The following ARFIP1 variants were observed in gnomAD, a reference collection of about 807,000 sequenced individuals.
ARFIP1 encodes ARF interacting protein 1, also known as arfaptin-1.
Under a neutral mutation model 42.5 loss-of-function variants are expected in ARFIP1, and 24 were observed. That is an observed-to-expected ratio of 0.57 (90% confidence interval 0.41 to 0.80). ARFIP1 has a LOEUF of 0.80. ARFIP1 is among the 30% of genes least tolerant of loss of function. The probability of loss-of-function intolerance (pLI) is 0.00; values close to 1 mark genes in which losing one functional copy is unlikely to be tolerated. For synonymous variants in ARFIP1, 141 were observed against 153.7 expected (o/e 0.92, Z 0.61); for missense variants, 354 against 434.0 (o/e 0.82, Z 1.64).
At position 152,801,934 on chromosome 4, in the gene ARFIP1, A is replaced by G. The variant is rs547615144; in HGVS notation, c.-10+21708A>G. On this transcript the variant is annotated intron_variant, in intron 1 of 8. Transcript: ENST00000353617. ...AGTAAAGTGAGATGCAAAGGATAAA[A>G]AGAGACAGAGCTGGACCTTAAGTCC... Among the ~76,000 whole-genome samples, 4 of 152,336 alleles carry G rather than the reference A, an allele frequency of 2.6e-5. No homozygotes were observed. In the East Asian group the frequency reaches 7.7e-4, roughly 29 times the overall value.
chr4:152,889,645 C>G (rs1561173163), intron 8 of ARFIP1, among the ~76,000 whole-genome samples: 1 of 122,986 alleles, frequency 8.1e-6, no homozygotes, highest in Non-Finnish European at 1.6e-5. Flanking sequence ...TATATATGCA[C>G]TATATATAGT....
rs74659966 is a variant in ARFIP1 at position 152,880,254 on chromosome 4, A to G, written c.412-709A>G. Among the ~76,000 whole-genome samples the G allele has an allele frequency of 4.4e-3, 672 of 152,158 alleles. 4 individuals are homozygous for G. Among genetic ancestry groups the G allele is most frequent in the African/African-American group, 0.015 (630 of 41,506 alleles). ...GCTACTTAGGAGGCCGAGACATGAG[A>G]ATCACTTGAACCTGGGAGGTGGAGG... On this transcript the variant is annotated intron_variant, in intron 5 of 8. Transcript: ENST00000353617.
intron 1 of ARFIP1, among the ~76,000 whole-genome samples, chr4:152,790,728 CTTT>C (rs781615063): frequency 9.4e-6 from 1 of 106,080 alleles, no homozygotes; most frequent in Admixed American, 9.5e-5. Context: ...ATGTGTTTAT[CTTT>C]TTTTTTTTTT....
chr4:152,858,459 T>C (rs1027465555), intron 2 of ARFIP1, among the ~76,000 whole-genome samples: 3 of 152,234 alleles, frequency 2.0e-5, no homozygotes, highest in Non-Finnish European at 4.4e-5. Flanking sequence ...ATGTCTATCT[T>C]GTCTCCAATG....
At chr4:152,875,175 A>C (rs993384562) in intron 5 of ARFIP1, among the ~76,000 whole-genome samples, 8 of 152,152 alleles carry the variant, frequency 5.3e-5, no homozygotes, top group African/African-American at 1.7e-4. Context: ...GAGCAATTTT[A>C]GGTTTAGACA....
intron 1 of ARFIP1, among the ~76,000 whole-genome samples, chr4:152,788,277 G>A (rs1365972967): frequency 1.3e-5 from 2 of 152,206 alleles, no homozygotes; most frequent in African/African-American, 2.4e-5. Context: ...TAGCAATATA[G>A]CACAGTATTC....
intron 2 of ARFIP1, among the ~76,000 whole-genome samples, chr4:152,859,264 G>C (rs1285231379): frequency 6.6e-6 from 1 of 152,110 alleles, no homozygotes; most frequent in Non-Finnish European, 1.5e-5. Flanking sequence ...GTTTTGCCAT[G>C]TTGCCTAGGC....
chr4:152,849,565 G>A (rs1732821781), intron 2 of ARFIP1, among the ~76,000 whole-genome samples: 2 of 152,164 alleles, frequency 1.3e-5, no homozygotes, highest in African/African-American at 4.8e-5. Flanking sequence ...GAGGCCAAGA[G>A]GGTAGGCAGT....
chr4:152,875,378 T>TTA (rs1172740961), intron 5 of ARFIP1, among the ~76,000 whole-genome samples: 3 of 100,160 alleles, frequency 3.0e-5, no homozygotes, highest in Admixed American at 1.0e-4. Context: ...TCTTTTTTTA[T>TTA]AAAAAAAAAA....
intron 1 of ARFIP1, among the ~76,000 whole-genome samples, chr4:152,793,187 G>A (rs1731232719): frequency 6.6e-6 from 1 of 151,514 alleles, no homozygotes; most frequent in Non-Finnish European, 1.5e-5. Context: ...CATGTATTTT[G>A]TTATCAAAGT....
At chr4:152,851,170 T>G (rs1266723312) in intron 2 of ARFIP1, among the ~76,000 whole-genome samples, 4 of 152,186 alleles carry the variant, frequency 2.6e-5, no homozygotes, top group Non-Finnish European at 5.9e-5. Context: ...ATACAAGTGG[T>G]GAACAAGATA....
intron 8 of ARFIP1, among the ~76,000 whole-genome samples, chr4:152,903,385 T>C (rs1336178688): frequency 6.6e-6 from 1 of 152,166 alleles, no homozygotes; most frequent in Non-Finnish European, 1.5e-5. Flanking sequence ...ATAAATTATC[T>C]GTTTTGTTAT....
intron 8 of ARFIP1, among the ~76,000 whole-genome samples, chr4:152,903,444 A>G (rs974830396): frequency 6.6e-6 from 1 of 151,890 alleles, no homozygotes; most frequent in Non-Finnish European, 1.5e-5. Context: ...ATAGCTTCTT[A>G]TATTTGAGGA....
chr4:152,820,568 G>C (rs1730289254), intron 1 of ARFIP1, among the ~76,000 whole-genome samples: 1 of 152,194 alleles, frequency 6.6e-6, no homozygotes, highest in Non-Finnish European at 1.5e-5. Flanking sequence ...GTAGTGGAAG[G>C]TGAAGGGGAA....
intron 5 of ARFIP1, among the ~76,000 whole-genome samples, chr4:152,876,381 C>T (rs62319927): frequency 0.027 from 4,102 of 152,266 alleles, 100 homozygotes; most frequent in South Asian, 0.11. Context: ...AAGAGACTGG[C>T]GGCATTTTGC....
chr4:152,907,117 T>G (rs1022265532), intron 8 of ARFIP1, among the ~76,000 whole-genome samples: 1 of 152,212 alleles, frequency 6.6e-6, no homozygotes, highest in African/African-American at 2.4e-5. Flanking sequence ...AACATAAACT[T>G]CTTTTGAGAA....
At chr4:152,781,270 C>G (rs1380293777) in intron 1 of ARFIP1, among the ~76,000 whole-genome samples, 2 of 130,050 alleles carry the variant, frequency 1.5e-5, no homozygotes, top group Non-Finnish European at 3.1e-5. Context: ...GAGTCTCACT[C>G]TGTCGCCCAG....
intron 1 of ARFIP1, chr4:152,807,395 A>T (rs980485616): frequency 3.3e-5 from 5 of 152,194 alleles, no homozygotes; most frequent in Admixed American, 2.0e-4. Flanking sequence ...ACATTCATGT[A>T]TGCAAGTTCC....
intron 5 of ARFIP1, 68 bp from the exon 6 acceptor site, chr4:152,880,895 C>A: frequency 2.4e-6 from 3 of 1,255,388 alleles, no homozygotes; most frequent in South Asian, 1.3e-5. Context: ...TGGTGTATGC[C>A]ATATGCTCTA....
Sources: gnomAD v4.1 joint callset for allele counts (sites outside exome capture counted in the v4.1 genomes callset) on GRCh38, gnomAD v4.1.1 for gene constraint, MANE v1.5 for transcripts, NCBI Gene and HGNC (gene_info 2026-07-23, HGNC 2026-07-21) for gene names.